Variants in ESYT3 observed in about 807,000 individuals in gnomAD.
ESYT3 encodes the protein extended synaptotagmin-3.
Under a neutral mutation model 111.5 loss-of-function variants are expected in ESYT3, and 101 were observed. That is an observed-to-expected ratio of 0.91 (90% CI 0.77 to 1.07). ESYT3 has a LOEUF of 1.07. ESYT3 is among the 50% of genes least tolerant of loss of function. The probability of loss-of-function intolerance (pLI) is 0.00; values close to 1 mark genes in which losing one functional copy is unlikely to be tolerated. For synonymous variants in ESYT3, 416 were observed against 446.8 expected, an observed-to-expected ratio of 0.93 and a Z score of 0.87; for missense variants, 1,097 against 1,109.4, an observed-to-expected ratio of 0.99 and a Z score of 0.16.
intron 1 of ESYT3, among the ~76,000 whole-genome samples, chr3:138,445,984 C>T (rs1445067739): frequency 6.6e-6 from 1 of 152,154 alleles, no homozygotes; most frequent in African/African-American, 2.4e-5. Context: ...GGCTTAGGCT[C>T]AAATCATATG....
At chr3:138,457,273 C>T (rs560167936) in intron 3 of ESYT3, among the ~76,000 whole-genome samples, 4 of 152,276 alleles carry the variant, frequency 2.6e-5, no homozygotes, top group East Asian at 3.9e-4. Context: ...AGTTTCCTCA[C>T]GTGTAAAGGG....
chr3:138,462,090 G>T lies in ESYT3; in HGVS notation c.799G>T (p.Val267Leu), dbSNP rs774677139. ...NLLDAPGIND[V>L]SDSLLEDLIA... ...CTGGTCCTGCCTTGTGTCCAGTGAT[G>T]TGTCAGACAGCTTACTGGAGGACCT... The change falls in exon 8 of 23, where the codon GTG becomes TTG. Residue 267 changes from valine to leucine, a missense_variant. Coordinates refer to ENST00000389567, the MANE Select transcript of ESYT3 (RefSeq NM_031913.5). 1 of 1,614,144 alleles carries T rather than the reference G, an allele frequency of 6.2e-7. No individual in the cohort carries two copies. Among genetic ancestry groups the T allele is most frequent in the Admixed American group, 1.7e-5 (1 of 60,030 alleles).
chr3:138,451,951 C>T, intron 1 of ESYT3, 97 bp from the exon 2 acceptor site: 4 of 1,340,074 alleles, frequency 3.0e-6, no homozygotes, highest in South Asian at 1.2e-5. Flanking sequence ...TGAGGTGCAG[C>T]GCGTGGGCGG....
intron 2 of ESYT3, among the ~76,000 whole-genome samples, chr3:138,452,804 G>A (rs2032030647): frequency 6.6e-6 from 1 of 152,220 alleles, no homozygotes. Context: ...CTTGCCTCTG[G>A]GAGGAGGCTT....
rs1389477492 is a variant in ESYT3, at chr3:138,472,403, CAG to C, written c.1782_1783del (p.Gly595ThrfsTer2). On this transcript the variant is annotated frameshift_variant, in exon 18 of 23. Transcript: ENST00000389567. LOFTEE classifies it high-confidence loss of function. ...GAACGAGAGCTGGGGAGCCCATACA[CAG>C]GACCTGAAGCCCTAAAGAAAGGCCC... The C allele has an allele frequency of 1.9e-6, 3 of 1,614,060 alleles. No individual in the cohort carries two copies. The Admixed American group carries it at 5.0e-5, about 27-fold the overall frequency.
At chr3:138,452,203 G>A (rs777985553) in intron 2 of ESYT3, 114 bp downstream of exon 2, 22 of 903,006 alleles carry the variant, frequency 2.4e-5, no homozygotes, top group Non-Finnish European at 3.2e-5. Flanking sequence ...TGCCTGACGC[G>A]GGCAGGGATG....
At chr3:138,458,439 C>G (rs931650846) in intron 4 of ESYT3, among the ~76,000 whole-genome samples, 1 of 152,214 alleles carries the variant, frequency 6.6e-6, no homozygotes, top group Non-Finnish European at 1.5e-5. Context: ...GCCCAGGCAG[C>G]CCCCGGGGTC....
At chr3:138,470,738 A>G (rs2033173782) in intron 16 of ESYT3, 139 bp from the exon 17 acceptor site, 1 of 1,509,210 alleles carries the variant, frequency 6.6e-7, no homozygotes, top group Non-Finnish European at 8.8e-7. Context: ...ATCCCATTCT[A>G]GTTTTCAGAA....
At chr3:138,454,703 A>T (rs2032162734) in intron 2 of ESYT3, among the ~76,000 whole-genome samples, 1 of 152,202 alleles carries the variant, frequency 6.6e-6, no homozygotes, top group Non-Finnish European at 1.5e-5. Context: ...TTCATTCCCA[A>T]ATCAGCACAG....
intron 22 of ESYT3, 138 bp from the exon 23 acceptor site, chr3:138,476,680 A>G: frequency 9.3e-7 from 1 of 1,077,316 alleles, no homozygotes; most frequent in Non-Finnish European, 1.4e-6. Flanking sequence ...TTAACCCTGA[A>G]CCCTGGCTGG....
At chr3:138,443,815 G>A (rs1560212375) in intron 1 of ESYT3, among the ~76,000 whole-genome samples, 1 of 151,580 alleles carries the variant, frequency 6.6e-6, no homozygotes, top group Non-Finnish European at 1.5e-5. Context: ...AGAATTCATC[G>A]AATGACAGGG....
In ESYT3 at chr3:138,456,605, G is replaced by A. The variant is rs910432904; in HGVS notation, c.505-963G>A. On this transcript the variant is annotated intron_variant, in intron 3 of 22. Transcript: ENST00000389567. Reference sequence around the variant, plus strand: ...GGGAGCTGCCGGAGCTCCGCCTCCTGTCAGATCAGCAGCGGCATTAAATTC... The same window carrying A: ...GGGAGCTGCCGGAGCTCCGCCTCCTATCAGATCAGCAGCGGCATTAAATTC... Among the ~76,000 whole-genome samples, 204 of 152,320 alleles carry A rather than the reference G, an allele frequency of 1.3e-3. 4 individuals carry two copies. Among genetic ancestry groups the A allele is most frequent in the Non-Finnish European group, 1.9e-4 (13 of 68,026 alleles).
In ESYT3 at chr3:138,457,585, TG is replaced by T. The variant is rs1560226353; in HGVS notation, c.523del (p.Val175SerfsTer13). ...FGQKCPRVNG[V>X]KAHTNTCNRR... ...TCTTCCAGTGTCCCAGGGTCAACGGTGTCAAGGCACACACTAATACGTGCAA... is the reference window on the plus strand; with the variant it reads ...TCTTCCAGTGTCCCAGGGTCAACGGTTCAAGGCACACACTAATACGTGCAA... On this transcript the variant is annotated frameshift_variant, in exon 4 of 23. Transcript: ENST00000389567. LOFTEE classifies it high-confidence loss of function. 1 of 1,614,108 alleles carries T rather than the reference TG, an allele frequency of 6.2e-7. No homozygotes were observed. The highest frequency in any genetic ancestry group is 1.3e-5 in the African/African-American group (1 of 75,030).
chr3:138,453,518 C>G (rs1230910887), intron 2 of ESYT3, among the ~76,000 whole-genome samples: 3 of 152,156 alleles, frequency 2.0e-5, no homozygotes, highest in African/African-American at 7.2e-5. Context: ...ACAATGAGCC[C>G]TAAAATCTCA....
In ESYT3 at chr3:138,478,264, T is replaced by C. The variant is rs1266516355; in HGVS notation, c.*1410T>C. 1 of 152,212 alleles carries C rather than the reference T, an allele frequency of 6.6e-6. No individual in the cohort carries two copies. Among genetic ancestry groups the C allele is most frequent in the Non-Finnish European group, 1.5e-5 (1 of 68,040 alleles). 9.4% of individuals were successfully genotyped at this position (152,212 alleles called of 1,614,324 possible). On this transcript the variant is annotated 3_prime_UTR_variant, in exon 23 of 23. Transcript: ENST00000389567. ...TTTTGTTTATTCTCCAGTTGAACAGTAGGGAACAATTCAAGCTACTTGAAT... is the reference window on the plus strand; with the variant it reads ...TTTTGTTTATTCTCCAGTTGAACAGCAGGGAACAATTCAAGCTACTTGAAT...
At chr3:138,473,719 G>A in intron 19 of ESYT3, 85 bp downstream of exon 19, 3 of 1,143,088 alleles carry the variant, frequency 2.6e-6, no homozygotes, top group South Asian at 2.6e-5. Flanking sequence ...GCAATGAAAA[G>A]GGCACATAGT....
chr3:138,446,249 G>T (rs1338324314), intron 1 of ESYT3, among the ~76,000 whole-genome samples: 1 of 152,224 alleles, frequency 6.6e-6, no homozygotes, highest in African/African-American at 2.4e-5. Context: ...ACATGATGCT[G>T]TGTGAGGTTT....
intron 22 of ESYT3, 133 bp from the exon 23 acceptor site, chr3:138,476,684 TG>T: frequency 9.1e-7 from 1 of 1,101,652 alleles, no homozygotes; most frequent in Non-Finnish European, 1.4e-6. Context: ...CCCTGAACCC[TG>T]GCTGGCCAAC....
At chr3:138,441,755 C>T (rs1182356676) in intron 1 of ESYT3, among the ~76,000 whole-genome samples, 12 of 152,146 alleles carry the variant, frequency 7.9e-5, no homozygotes. Flanking sequence ...TCTTCTTCCT[C>T]GACTGCAAAT....
Sources: gnomAD v4.1 joint callset for allele counts (sites outside exome capture counted in the v4.1 genomes callset) on GRCh38, gnomAD v4.1.1 for gene constraint, MANE v1.5 for transcripts, NCBI Gene and HGNC (gene_info 2026-07-23, HGNC 2026-07-21) for gene names.